Variants in XKR4 observed in about 807,000 individuals in gnomAD.
The protein encoded by XKR4 is XK-related protein 4.
Under a neutral mutation model 53.9 loss-of-function variants are expected in XKR4, and 12 were observed. The ratio of observed to expected loss-of-function variants is 0.22; its 90% CI spans 0.14 to 0.36. The LOEUF (loss-of-function observed/expected upper bound fraction) is 0.36. Ranked by LOEUF, XKR4 falls within the 10% of genes least tolerant of loss-of-function variation. XKR4 has a pLI of 1.00. For missense variants in XKR4, 799 were observed against 859.5 expected (o/e 0.93, Z 0.88); for synonymous variants, 354 against 362.4 (o/e 0.98, Z 0.26).
intron 2 of XKR4, among the ~76,000 whole-genome samples, chr8:55,360,044 G>A (rs1803876750): frequency 6.6e-6 from 1 of 152,178 alleles, no homozygotes; most frequent in African/African-American, 2.4e-5. Flanking sequence ...GGGAAACTAG[G>A]TTCTGTTTCA....
intron 2 of XKR4, among the ~76,000 whole-genome samples, chr8:55,466,822 C>A (rs149633384): frequency 5.9e-5 from 9 of 152,132 alleles, no homozygotes; most frequent in African/African-American, 1.9e-4. Context: ...AAATAAACAT[C>A]CTTATACATT....
chr8:55,451,634 C>G lies in XKR4; in HGVS notation c.1007-71647C>G, dbSNP rs531459676. The G allele has an allele frequency of 7.7e-6, 12 of 1,548,446 alleles. No homozygotes were observed. The Admixed American group carries it at 9.0e-5, about 12-fold the overall frequency. ...CGGTTCTGGCGGTAGCAGTAGGACA[C>G]GCGCTGCAGGGCGTTGTCCTGGACA... On this transcript the variant is annotated intron_variant, in intron 2 of 2. Transcript: ENST00000327381.
intron 1 of XKR4, among the ~76,000 whole-genome samples, chr8:55,162,502 A>G (rs1816998979): frequency 1.3e-5 from 2 of 152,220 alleles, no homozygotes; most frequent in African/African-American, 2.4e-5. Flanking sequence ...TATCTTCTTT[A>G]TAAAAGTGTT....
intron 1 of XKR4, among the ~76,000 whole-genome samples, chr8:55,242,827 G>T (rs1240564676): frequency 5.3e-5 from 8 of 152,142 alleles, no homozygotes; most frequent in African/African-American, 1.9e-4. Context: ...GTTCTACAGA[G>T]AGCTGTCTGT....
chr8:55,357,467 G>C (rs1382936973), intron 1 of XKR4, among the ~76,000 whole-genome samples: 2 of 152,130 alleles, frequency 1.3e-5, no homozygotes, highest in Non-Finnish European at 2.9e-5. Context: ...GTCTTTATGA[G>C]GACTAAAATT....
chr8:55,500,910 T>C (rs1201008611), intron 2 of XKR4, among the ~76,000 whole-genome samples: 1 of 152,188 alleles, frequency 6.6e-6, no homozygotes, highest in Non-Finnish European at 1.5e-5. Context: ...TATACACACA[T>C]GCCTACAAGT....
intron 2 of XKR4, among the ~76,000 whole-genome samples, chr8:55,495,769 A>G (rs1199044777): frequency 6.6e-6 from 1 of 152,150 alleles, no homozygotes; most frequent in African/African-American, 2.4e-5. Context: ...TAGGGATGCA[A>G]AGCACAGGAG....
chr8:55,306,828 G>T (rs893293644), intron 1 of XKR4, among the ~76,000 whole-genome samples: 1 of 151,966 alleles, frequency 6.6e-6, no homozygotes, highest in East Asian at 1.9e-4. Context: ...ATGACAGAAA[G>T]ATAGCCTTGG....
intron 2 of XKR4, among the ~76,000 whole-genome samples, chr8:55,405,463 G>T (rs996091184): frequency 6.6e-6 from 1 of 152,204 alleles, no homozygotes; most frequent in African/African-American, 2.4e-5. Context: ...GAGGAGAGCC[G>T]AGAGACGCAG....
chr8:55,462,614 A>G (rs1805680178), intron 2 of XKR4, among the ~76,000 whole-genome samples: 1 of 152,196 alleles, frequency 6.6e-6, no homozygotes, highest in Non-Finnish European at 1.5e-5. Context: ...GATCAAATTC[A>G]CACATAACAA....
intron 1 of XKR4, among the ~76,000 whole-genome samples, chr8:55,192,697 C>T (rs937670078): frequency 4.6e-5 from 7 of 152,112 alleles, no homozygotes; most frequent in African/African-American, 1.4e-4. Flanking sequence ...GCAGTGATTC[C>T]TCTGTCCATC....
intron 2 of XKR4, among the ~76,000 whole-genome samples, chr8:55,364,467 A>C (rs1803945215): frequency 6.6e-6 from 1 of 152,170 alleles, no homozygotes; most frequent in Non-Finnish European, 1.5e-5. Context: ...AGGACACTGA[A>C]TATTCATGCC....
chr8:55,405,469 C>T (rs1289107095), intron 2 of XKR4, among the ~76,000 whole-genome samples: 2 of 152,148 alleles, frequency 1.3e-5, no homozygotes, highest in Non-Finnish European at 1.5e-5. Context: ...AGCCGAGAGA[C>T]GCAGCAGGTC....
chr8:55,442,386 T>C (rs896884582), intron 2 of XKR4, among the ~76,000 whole-genome samples: 4 of 151,974 alleles, frequency 2.6e-5, no homozygotes, highest in African/African-American at 9.7e-5. Flanking sequence ...ATGCTGGGAG[T>C]GTCACCTGGT....
chr8:55,480,395 C>T (rs1376544630), intron 2 of XKR4, among the ~76,000 whole-genome samples: 8 of 152,164 alleles, frequency 5.3e-5, no homozygotes, highest in Admixed American at 2.0e-4. Flanking sequence ...ATTGTTGGGA[C>T]GTATCTCAAA....
intron 2 of XKR4, among the ~76,000 whole-genome samples, chr8:55,375,011 GC>G (rs1711596467): frequency 2.6e-5 from 4 of 152,156 alleles, no homozygotes; most frequent in Admixed American, 2.0e-4. Context: ...CAAGGGTGAT[GC>G]CCCCAGCAAC....
chr8:55,103,151 G>C lies in XKR4; in HGVS notation c.663G>C (p.Lys221Asn). Residue 221 changes from lysine (K) to asparagine (N), a missense_variant, in exon 1 of 3, where the codon AAG (lysine) becomes AAC (asparagine). By Grantham distance (94) the Lys-to-Asn change is moderately conservative. This residue lies in a region of XKR4 where 476 missense variants were observed against 505.4 expected (regional missense o/e 0.94). Transcript: ENST00000327381. ...TPQRQASNAS[K>N]SNIAAANSGS... ...AAAGGCAAGCATCTAACGCCAGCAA[G>C]AGCAACATCGCCGCGGCCAACAGCG... 2 of 1,614,014 alleles carry C rather than the reference G, an allele frequency of 1.2e-6. No individual in the cohort carries two copies. Among genetic ancestry groups the C allele is most frequent in the Admixed American group, 3.3e-5 (2 of 60,030 alleles).
chr8:55,466,853 G>A (rs1485522733), intron 2 of XKR4, among the ~76,000 whole-genome samples: 1 of 152,080 alleles, frequency 6.6e-6, no homozygotes, highest in Non-Finnish European at 1.5e-5. Flanking sequence ...TTGGATATCT[G>A]ATTAATACCT....
At chr8:55,269,008 G>A (rs1220068385) in intron 1 of XKR4, among the ~76,000 whole-genome samples, 1 of 152,138 alleles carries the variant, frequency 6.6e-6, no homozygotes, top group Non-Finnish European at 1.5e-5. Context: ...TAATGACTTA[G>A]GCCACTTATG....
Sources: allele counts gnomAD v4.1 joint callset (sites outside exome capture counted in the v4.1 genomes callset), GRCh38; gene constraint gnomAD v4.1.1; regional missense constraint gnomAD v4.1.1; transcripts MANE v1.5; gene names NCBI Gene and HGNC (gene_info 2026-07-23, HGNC 2026-07-21).